The following SLC19A1 variants were observed in gnomAD, a reference collection of about 807,000 sequenced individuals.
SLC19A1 encodes the protein solute carrier family 19 member 1.
In SLC19A1, 37 loss-of-function variants were observed where a neutral mutation model predicts 35.3. The observed-to-expected ratio is 1.05, with a 90% CI of 0.81 to 1.38. The LOEUF (loss-of-function observed/expected upper bound fraction) is 1.38, where lower values mean the gene tolerates loss of function less well. Ranked by LOEUF, SLC19A1 falls within the 40% of genes most tolerant of loss-of-function variation. The pLI is 0.00. For missense variants in SLC19A1, 831 were observed against 826.9 expected, an observed-to-expected ratio of 1.00 and a Z score of -0.06; for synonymous variants, 460 against 398.5, an observed-to-expected ratio of 1.15 and a Z score of -1.84.
At chr21:45,531,310 G>A (rs1195276384) in intron 3 of SLC19A1, 79 bp downstream of exon 3, 2 of 1,512,624 alleles carry the variant, frequency 1.3e-6, no homozygotes, top group Non-Finnish European at 8.8e-7. Flanking sequence ...GGAGCCTCCG[G>A]GGGAAGGATC....
chr21:45,526,497 G>A (rs921399718), intron 4 of SLC19A1, among the ~76,000 whole-genome samples: 4 of 152,190 alleles, frequency 2.6e-5, no homozygotes, highest in Non-Finnish European at 4.4e-5. Context: ...GTCAAACAAG[G>A]TCAGGTACAG....
downstream of SLC19A1, among the ~76,000 whole-genome samples, chr21:45,507,853 C>T (rs1456980029): frequency 2.0e-5 from 3 of 152,232 alleles, no homozygotes; most frequent in Non-Finnish European, 4.4e-5. Context: ...GTTGTGTCTG[C>T]CGCTCATTGC....
Position 45,530,879 on chromosome 21 carries a change from CCGCCTGCGTGGCCGTGA to C in SLC19A1, c.1025_1041del (p.Val342GlyfsTer46). On this transcript the variant is annotated frameshift_variant, in exon 4 of 6. Transcript: ENST00000311124. LOFTEE classifies it high-confidence loss of function. The surrounding 1 kb of genome is among the most constrained non-coding windows in gnomAD (Gnocchi z 5.3). ...GTGTGCGCCAGAAGGAAGACCAGCC[CCGCCTGCGTGGCCGTGA>C]CGCCCGCGATGAGCAGCTTGGACCA... 1 of 1,486,600 alleles carries C rather than the reference CCGCCTGCGTGGCCGTGA, an allele frequency of 6.7e-7. No individual in the cohort carries two copies. Among genetic ancestry groups the C allele is most frequent in the Non-Finnish European group, 8.9e-7 (1 of 1,120,028 alleles). 92.1% of individuals were successfully genotyped at this position (1,486,600 alleles called of 1,614,324 possible).
chr21:45,532,342 C>A (rs749592191), intron 2 of SLC19A1, among the ~76,000 whole-genome samples, 194 bp from the exon 3 acceptor site: 1 of 152,228 alleles, frequency 6.6e-6, no homozygotes, highest in African/African-American at 2.4e-5. Flanking sequence ...GGCTCCCGAC[C>A]GTCCCGGCAG....
intron 3 of SLC19A1, among the ~76,000 whole-genome samples, chr21:45,503,734 T>C (rs914887407): frequency 9.2e-5 from 14 of 151,796 alleles, no homozygotes; most frequent in Admixed American, 7.2e-4. Context: ...CATGTATACA[T>C]ATGTAACTAA....
rs1438372131 is a variant in SLC19A1, at chr21:45,525,820, C to T, written c.1290G>A (p.Lys430=). 9.9e-6 allele frequency: 16 copies of T among 1,613,164 alleles called. No individual in the cohort carries two copies. Among genetic ancestry groups the T allele is most frequent in the Non-Finnish European group, 1.3e-5 (15 of 1,179,884 alleles). Residue 430 remains lysine (K), a synonymous_variant, in exon 5 of 6, where the codon AAG becomes AAA. Transcript: ENST00000311124. ...DVRGLGLPVR[K]QFQLYSVYFL... ...CGCAGGCCTGAAATGGGCTCACCTG[C>T]TTGCGGACCGGGAGGCCCAGGCCCC...
chr21:45,553,647 C>CCCCCACACCCCCTCCCAAT (rs2078491197), intron 1 of SLC19A1, among the ~76,000 whole-genome samples: 13 of 47,530 alleles, frequency 2.7e-4, no homozygotes, highest in Non-Finnish European at 4.7e-4. Flanking sequence ...CCCTCCTAGT[C>CCCCCACACCCCCTCCCAAT]CCCCCGCGCC....
At chr21:45,504,604 T>C in intron 3 of SLC19A1, 5 of 1,528,318 alleles carry the variant, frequency 3.3e-6, no homozygotes, top group Non-Finnish European at 4.4e-6. Context: ...GGGGTCTGGG[T>C]GCAGGAGCCG....
At chr21:45,543,138 C>A (rs1440034552), upstream of SLC19A1, among the ~76,000 whole-genome samples, 2 of 152,204 alleles carry the variant, frequency 1.3e-5, no homozygotes, top group South Asian at 2.1e-4. Context: ...CCGGGGGAGA[C>A]CCGCGCAGGC....
At chr21:45,545,736 G>A (rs1479838111), upstream of SLC19A1, among the ~76,000 whole-genome samples, 2 of 152,128 alleles carry the variant, frequency 1.3e-5, no homozygotes, top group Non-Finnish European at 2.9e-5. Context: ...GAAGACGGGC[G>A]CGGACCGGCC....
At chr21:45,511,735 C>T (rs1172299104), downstream of SLC19A1, among the ~76,000 whole-genome samples, 1 of 152,218 alleles carries the variant, frequency 6.6e-6, no homozygotes, top group East Asian at 1.9e-4. Flanking sequence ...TGCCACACAG[C>T]GTGTCCCCAG....
chr21:45,506,763 C>CTAGAGCCCTCCCACCTTCCT (rs2037229904), intron 3 of SLC19A1: 11 of 31,194 alleles, frequency 3.5e-4, no homozygotes, highest in African/African-American at 1.3e-3. Flanking sequence ...CCCACCTTCC[C>CTAGAGCCCTCCCACCTTCCT]TCTGGAACCC....
chr21:45,518,597 A>G (rs999455091), intron 5 of SLC19A1, among the ~76,000 whole-genome samples: 3 of 152,228 alleles, frequency 2.0e-5, no homozygotes, highest in Non-Finnish European at 4.4e-5. Flanking sequence ...AAATAAAGAA[A>G]AAATCTTGGA....
chr21:45,504,895 T>C (rs2037097853), intron 3 of SLC19A1, among the ~76,000 whole-genome samples: 1 of 145,788 alleles, frequency 6.9e-6, no homozygotes, highest in African/African-American at 2.6e-5. Flanking sequence ...CCCCAGCTAC[T>C]GCCTGGGGGC....
chr21:45,511,412 C>T (rs548558240), downstream of SLC19A1, among the ~76,000 whole-genome samples: 17 of 152,262 alleles, frequency 1.1e-4, 1 homozygote, highest in South Asian at 3.5e-3. Flanking sequence ...TCATCATTAG[C>T]AATGCGTTTG....
intron 1 of SLC19A1, among the ~76,000 whole-genome samples, chr21:45,556,987 C>A (rs893128318): frequency 6.6e-6 from 1 of 152,172 alleles, no homozygotes; most frequent in East Asian, 1.9e-4. Flanking sequence ...TGGGACGGCG[C>A]CTCAGAGGCC....
rs1019229293 is a variant in SLC19A1, at chr21:45,517,717, C to T, written c.1294-1577G>A. Reference sequence around the variant, plus strand: ...AAGCGGGAGTCCAGACTTTCACCTACCCAGCAATAATGAGAATGTCCCAAC... The same window carrying T: ...AAGCGGGAGTCCAGACTTTCACCTATCCAGCAATAATGAGAATGTCCCAAC... On this transcript the variant is annotated intron_variant, in intron 5 of 5. Transcript: ENST00000311124. The surrounding 1 kb of genome is among the most constrained non-coding windows in gnomAD (Gnocchi z 4.4). Among the ~76,000 whole-genome samples the T allele has an allele frequency of 2.0e-5, 3 of 152,136 alleles. No individual in the cohort carries two copies. Among genetic ancestry groups the T allele is most frequent in the African/African-American group, 7.2e-5 (3 of 41,424 alleles).
intron 4 of SLC19A1, among the ~76,000 whole-genome samples, chr21:45,529,086 C>A (rs1482675893): frequency 6.6e-6 from 1 of 152,250 alleles, no homozygotes; most frequent in African/African-American, 2.4e-5. Context: ...TGGGCCTTCA[C>A]GAGCCAGGGA....
intron 5 of SLC19A1, among the ~76,000 whole-genome samples, chr21:45,522,063 T>G (rs9306132): frequency 6.6e-6 from 1 of 151,660 alleles, no homozygotes; most frequent in African/African-American, 2.4e-5. Flanking sequence ...GAAAAAAAAA[T>G]TGCAAACTGT....
Sources: allele counts gnomAD v4.1 joint callset (sites outside exome capture counted in the v4.1 genomes callset), GRCh38; gene constraint gnomAD v4.1.1; non-coding constraint Gnocchi (gnomAD v3.1); transcripts MANE v1.5; gene names NCBI Gene and HGNC (gene_info 2026-07-23, HGNC 2026-07-21).